KMT5B: variants seen among roughly 807,000 people sequenced by gnomAD.
KMT5B encodes histone-lysine N-methyltransferase KMT5B.
KMT5B carries 10 observed loss-of-function variants against 83.2 expected under a neutral mutation model. The observed-to-expected ratio is 0.12, with a 90% CI of 0.07 to 0.20. The LOEUF is 0.20. Ranked by LOEUF, KMT5B falls within the 10% of genes least tolerant of loss-of-function variation. The pLI is 1.00. For missense variants in KMT5B, 753 were observed against 1,067.2 expected (o/e 0.71, Z 4.10); for synonymous variants, 349 against 388.8 (o/e 0.90, Z 1.20).
Position 68,180,116 on chromosome 11 carries a change from A to AAC in KMT5B, c.377+14_377+15dup. On this transcript the variant is annotated intron_variant, in intron 4 of 10. Transcript: ENST00000304363. ...GGTTAGTCAGTATCTCATTGTTTTT[A>AAC]ACACACACTACCTACCTCACAGGGT... The AAC allele has an allele frequency of 6.3e-7, 1 of 1,574,960 alleles. No homozygotes were observed. Among genetic ancestry groups the AAC allele is most frequent in the Non-Finnish European group, 8.7e-7 (1 of 1,154,878 alleles).
intron 1 of KMT5B, among the ~76,000 whole-genome samples, chr11:68,193,645 A>C (rs1858356719): frequency 6.6e-6 from 1 of 152,150 alleles, no homozygotes; most frequent in Admixed American, 6.5e-5. Context: ...TTTTTCTCAT[A>C]GGTTTCACTA....
At chr11:68,175,741 A>T (rs1351255607) in intron 4 of KMT5B, among the ~76,000 whole-genome samples, 1 of 152,116 alleles carries the variant, frequency 6.6e-6, no homozygotes, top group Non-Finnish European at 1.5e-5. Context: ...AGTCAGAAAA[A>T]ACCCCAAACT....
intron 1 of KMT5B, among the ~76,000 whole-genome samples, chr11:68,209,930 CAT>C (rs1860666241): frequency 6.6e-6 from 1 of 151,154 alleles, no homozygotes; most frequent in Non-Finnish European, 1.5e-5. Context: ...GCAGTGGAGC[CAT>C]CTCTGCTCAC....
At chr11:68,213,369 CCCGCCCCCAACCGGCCGCCG>C (rs2153097706), upstream of KMT5B, 1 of 147,646 alleles carries the variant, frequency 6.8e-6, no homozygotes, top group African/African-American at 2.4e-5. Flanking sequence ...GTCCGAGCCC[CCCGCCCCCAACCGGCCGCCG>C]CCGCCGCCGT....
intron 1 of KMT5B, among the ~76,000 whole-genome samples, chr11:68,201,579 TA>T (rs397978115): frequency 1.1e-4 from 17 of 149,206 alleles, no homozygotes; most frequent in South Asian, 4.2e-4. Flanking sequence ...AAACTAAGAT[TA>T]AAAAAAAAAT....
intron 1 of KMT5B, among the ~76,000 whole-genome samples, chr11:68,201,398 T>C (rs568641290): frequency 2.2e-4 from 33 of 152,376 alleles, no homozygotes; most frequent in African/African-American, 7.0e-4. Flanking sequence ...CCATGCCTGT[T>C]CTATGCCAGT....
intron 1 of KMT5B, among the ~76,000 whole-genome samples, chr11:68,190,989 T>C (rs1255898253): frequency 6.6e-6 from 1 of 152,044 alleles, no homozygotes; most frequent in Non-Finnish European, 1.5e-5. Context: ...AATAATAATA[T>C]ATTTTTGTGT....
intron 2 of KMT5B, among the ~76,000 whole-genome samples, chr11:68,186,580 A>C (rs746098200): frequency 6.6e-5 from 10 of 152,236 alleles, no homozygotes; most frequent in Non-Finnish European, 1.2e-4. Context: ...AATGGATAAA[A>C]ATACAGACTG....
At position 68,209,866 on chromosome 11, in the gene KMT5B, C is replaced by CT. The variant is rs761583436; in HGVS notation, c.-77+3271_-77+3272insA. Among the ~76,000 whole-genome samples the CT allele has an allele frequency of 7.1e-3, 1,061 of 149,044 alleles. 5 individuals are homozygous for CT. The highest frequency in any genetic ancestry group is 0.011 in the Non-Finnish European group (726 of 67,114). On this transcript the variant is annotated intron_variant, in intron 1 of 10. Coordinates refer to ENST00000304363, the MANE Select transcript of KMT5B (RefSeq NM_017635.5). ...GGATCTAGGTACTGTTTTCTTTCCC[C>CT]CTTTTTTTTTTTTTTTAAGAGACGG... is the stretch of plus-strand genomic sequence containing the variant.
chr11:68,207,589 G>C (rs1407694416), intron 1 of KMT5B, among the ~76,000 whole-genome samples: 2 of 151,790 alleles, frequency 1.3e-5, no homozygotes, highest in African/African-American at 4.8e-5. Context: ...TCAAGAATTC[G>C]AGACCAGCCT....
At chr11:68,211,046 C>A (rs1257433863) in intron 1 of KMT5B, among the ~76,000 whole-genome samples, 1 of 152,228 alleles carries the variant, frequency 6.6e-6, no homozygotes, top group Non-Finnish European at 1.5e-5. Context: ...CTTTATCACA[C>A]AACCTGGCCA....
In KMT5B at chr11:68,171,216, T is replaced by C; in HGVS notation, c.840+16A>G. 2 of 1,601,966 alleles carry C rather than the reference T, an allele frequency of 1.2e-6. No homozygotes were observed. Among genetic ancestry groups the C allele is most frequent in the Non-Finnish European group, 1.7e-6 (2 of 1,177,386 alleles). ...GCAAAAACAAAATACTTGAAGAAAA[T>C]TTTTTTAATGCTTACCTTACAATTA... is the stretch of plus-strand genomic sequence containing the variant. On this transcript the variant is annotated intron_variant, in intron 8 of 10. Coordinates refer to ENST00000304363, the MANE Select transcript of KMT5B (RefSeq NM_017635.5). The surrounding 1 kb of genome is among the most constrained non-coding windows in gnomAD (Gnocchi z 5.1).
Position 68,190,123 on chromosome 11 carries a change from T to C in KMT5B, c.-47A>G. On this transcript the variant is annotated 5_prime_UTR_variant, in exon 2 of 11. Coordinates refer to ENST00000304363, the MANE Select transcript of KMT5B (RefSeq NM_017635.5). ...GGTGCATTTAGTCACTCTCTTCAAA[T>C]AGCTTAGAGAATACTTTCAATGTTC... 6.4e-7 allele frequency: 1 copy of C among 1,564,586 alleles called. No individual in the cohort carries two copies. Among genetic ancestry groups the C allele is most frequent in the South Asian group, 1.1e-5 (1 of 88,762 alleles).
At chr11:68,196,774 C>G (rs568478165) in intron 1 of KMT5B, among the ~76,000 whole-genome samples, 2 of 152,048 alleles carry the variant, frequency 1.3e-5, no homozygotes, top group South Asian at 4.2e-4. Flanking sequence ...GAACCAGGAC[C>G]AGGAAAAGTG....
intron 4 of KMT5B, among the ~76,000 whole-genome samples, chr11:68,177,058 G>A (rs1215985772): frequency 2.0e-5 from 3 of 152,148 alleles, no homozygotes; most frequent in African/African-American, 7.2e-5. Context: ...TCAAGCCACA[G>A]TATTTCATCA....
intron 6 of KMT5B, among the ~76,000 whole-genome samples, chr11:68,172,099 G>A (rs1395114094): frequency 4.6e-5 from 7 of 152,130 alleles, no homozygotes; most frequent in East Asian, 1.9e-4. Flanking sequence ...ATGAGGATCC[G>A]GAATCATGGT....
chr11:68,172,717 A>G (rs1011448265), intron 6 of KMT5B, among the ~76,000 whole-genome samples: 10 of 152,144 alleles, frequency 6.6e-5, no homozygotes, highest in African/African-American at 2.2e-4. Flanking sequence ...GTACAGCTCT[A>G]GGACTCTAGA....
chr11:68,200,753 G>A (rs558982447), intron 1 of KMT5B, among the ~76,000 whole-genome samples: 4 of 152,308 alleles, frequency 2.6e-5, no homozygotes, highest in Admixed American at 2.6e-4. Context: ...GATCTGAGTA[G>A]GAAAACGAAG....
intron 10 of KMT5B, among the ~76,000 whole-genome samples, chr11:68,162,036 G>A (rs898773757): frequency 3.3e-5 from 5 of 152,152 alleles, no homozygotes; most frequent in African/African-American, 7.2e-5. Flanking sequence ...GAAAGCTGGA[G>A]GTCCTCCTTG....
Sources: allele counts gnomAD v4.1 joint callset (sites outside exome capture counted in the v4.1 genomes callset), GRCh38; gene constraint gnomAD v4.1.1; non-coding constraint Gnocchi (gnomAD v3.1); transcripts MANE v1.5; gene names NCBI Gene and HGNC (gene_info 2026-07-23, HGNC 2026-07-21).